Variants in DEPDC5 observed in about 807,000 individuals in gnomAD.
DEPDC5 encodes the protein DEP domain containing 5, GATOR1 subcomplex subunit, also known as GATOR1 complex protein DEPDC5.
A neutral mutation model predicts 217.3 loss-of-function variants in DEPDC5; 73 were observed. The observed-to-expected ratio is 0.34, with a 90% CI of 0.28 to 0.41. The LOEUF (loss-of-function observed/expected upper bound fraction) is 0.41, where lower values mean the gene tolerates loss of function less well. Among genes scored for constraint, DEPDC5 ranks in the 10% least tolerant of loss-of-function variants. The pLI, the probability that DEPDC5 is intolerant of heterozygous loss-of-function variation, is 1.00. For synonymous variants in DEPDC5, 733 were observed against 756.7 expected (o/e 0.97, Z 0.51); for missense variants, 1,675 against 2,070.1 (o/e 0.81, Z 3.70).
chr22:31,870,876 A>T, intron 34 of DEPDC5, 132 bp downstream of exon 34: 1 of 1,015,844 alleles, frequency 9.8e-7, no homozygotes, highest in Non-Finnish European at 1.3e-6. Context: ...GACCCTGGGC[A>T]AGTTAGTCCT....
intron 35 of DEPDC5, 70 bp downstream of exon 35, chr22:31,873,402 C>T (rs931188261): frequency 5.8e-6 from 9 of 1,546,462 alleles, no homozygotes; most frequent in East Asian, 2.3e-5. Context: ...GTTTAGGCAG[C>T]GTGGTTTGGT....
At chr22:31,857,607 T>A in intron 32 of DEPDC5, 54 bp downstream of exon 32, 1 of 1,470,938 alleles carries the variant, frequency 6.8e-7, no homozygotes, top group Non-Finnish European at 9.3e-7. Context: ...AGACTCAGTG[T>A]GGAGGGTAAA....
intron 23 of DEPDC5, among the ~76,000 whole-genome samples, chr22:31,821,888 T>G (rs367882644): frequency 6.6e-6 from 1 of 152,232 alleles, no homozygotes; most frequent in Non-Finnish European, 1.5e-5. Context: ...GAACACACTT[T>G]GTAAACCTCA....
At chr22:31,828,163 C>T (rs2090298328) in intron 24 of DEPDC5, among the ~76,000 whole-genome samples, 1 of 152,130 alleles carries the variant, frequency 6.6e-6, no homozygotes. Flanking sequence ...TAAAACAGTT[C>T]CTGGTGGCTG....
chr22:31,867,613 A>T (rs1050349154), intron 33 of DEPDC5, among the ~76,000 whole-genome samples: 2 of 152,224 alleles, frequency 1.3e-5, no homozygotes, highest in African/African-American at 4.8e-5. Flanking sequence ...ATTGTAATAG[A>T]GCCACACCCA....
In DEPDC5 at chr22:31,801,829, C is replaced by G. The variant is rs907908046; in HGVS notation, c.947-875C>G. On this transcript the variant is annotated intron_variant, in intron 14 of 42. Transcript: ENST00000651528. The stretch of plus-strand genomic sequence containing the variant: ...TCCCACATGTCTGTACCCAGGTGCT[C>G]AGGGAATTCTAGAGCATAATGTCTT... 5.9e-5 allele frequency among the ~76,000 whole-genome samples: 9 copies of G among 152,164 alleles called. 1 individual carries two copies. Among genetic ancestry groups the G allele is most frequent in the African/African-American group, 2.2e-4 (9 of 41,544 alleles).
Position 31,798,613 on chromosome 22 carries a change from A to G in DEPDC5, c.903A>G (p.Ser301=). ...EGFPQGDNST[S]AQGNYLEAIN... ...TTCCTCAAGGAGATAATTCTACCTC[A>G]GCACAAGGAAACTACCTGGAGGCCA... Residue 301 remains serine (S), a synonymous_variant, in exon 14 of 43, where the codon TCA becomes TCG. Transcript: ENST00000651528. The G allele has an allele frequency of 6.2e-7, 1 of 1,611,808 alleles. No homozygotes were observed. The highest frequency in any genetic ancestry group is 8.5e-7 in the Non-Finnish European group (1 of 1,178,526).
intron 12 of DEPDC5, among the ~76,000 whole-genome samples, chr22:31,796,728 G>T (rs1324445005): frequency 6.6e-6 from 1 of 151,002 alleles, no homozygotes; most frequent in Non-Finnish European, 1.5e-5. Context: ...ATGGAGTCTC[G>T]CTCTTTCTCC....
Position 31,797,691 on chromosome 22 carries a change from C to G in DEPDC5, c.859C>G (p.Leu287Val). ...CATCCAGTATCCAGTGTTGGTGCGA[C>G]TGGAACAGGCAGGTACTGCATTCAT... Reference protein sequence around the residue: ...LFIQYPVLVRLEQAEGFPQGD... With the variant: ...LFIQYPVLVRVEQAEGFPQGD... Residue 287 changes from leucine to valine, a missense_variant, in exon 13 of 43, where the codon CTG becomes GTG. Physicochemically the swap from Leu to Val is conservative, Grantham distance 32 (BLOSUM62 1). Around this residue, in one of 11 missense-constraint regions of DEPDC5, gnomAD observed 628 missense variants for 762.1 expected, o/e 0.82. Transcript: ENST00000651528. 6.2e-7 allele frequency: 1 copy of G among 1,613,718 alleles called. No individual in the cohort carries two copies. Among genetic ancestry groups the G allele is most frequent in the African/African-American group, 1.3e-5 (1 of 75,032 alleles).
chr22:31,790,973 C>G (rs1400849881), intron 10 of DEPDC5, among the ~76,000 whole-genome samples: 1 of 151,978 alleles, frequency 6.6e-6, no homozygotes, highest in Non-Finnish European at 1.5e-5. Context: ...TCTCGAACTC[C>G]TGACCTCAGG....
chr22:31,757,798 C>G (rs2082059460), intron 2 of DEPDC5, among the ~76,000 whole-genome samples: 1 of 152,092 alleles, frequency 6.6e-6, no homozygotes, highest in Non-Finnish European at 1.5e-5. Flanking sequence ...CAGTCTCTTT[C>G]TGTCACTCAG....
chr22:31,828,202 G>A (rs1332110243), intron 24 of DEPDC5, among the ~76,000 whole-genome samples: 1 of 152,196 alleles, frequency 6.6e-6, no homozygotes, highest in Non-Finnish European at 1.5e-5. Context: ...TGTAATCCCA[G>A]CACTTTGGGA....
chr22:31,837,299 G>T, intron 26 of DEPDC5, 144 bp downstream of exon 26: 3 of 743,350 alleles, frequency 4.0e-6, no homozygotes, highest in Non-Finnish European at 4.0e-6. Flanking sequence ...TAGCATGGCC[G>T]TTAAATAAAA....
intron 24 of DEPDC5, chr22:31,831,137 C>T (rs1169606997): frequency 1.3e-5 from 2 of 151,768 alleles, no homozygotes; most frequent in Admixed American, 6.6e-5. Context: ...AATTGGTGCC[C>T]CAGATGGATA....
chr22:31,755,794 C>T (rs2075276463), intron 2 of DEPDC5, among the ~76,000 whole-genome samples: 1 of 151,910 alleles, frequency 6.6e-6, no homozygotes, highest in Admixed American at 6.6e-5. Flanking sequence ...GAATAATTTT[C>T]CATTCTGTCT....
intron 20 of DEPDC5, 162 bp downstream of exon 20, chr22:31,810,803 T>G: frequency 8.8e-7 from 1 of 1,133,452 alleles, no homozygotes; most frequent in Non-Finnish European, 1.2e-6. Flanking sequence ...GAGATGGAGT[T>G]TCGCTCTTGT....
rs776010019 is a variant in DEPDC5 at position 31,804,134 on chromosome 22, C to T, written c.1082-28C>T. On this transcript the variant is annotated intron_variant, in intron 15 of 42. Coordinates refer to ENST00000651528, the MANE Select transcript of DEPDC5 (RefSeq NM_001242896.3). The stretch of plus-strand genomic sequence containing the variant: ...ACTTGTCTCTGCCATTCCCTCCCCA[C>T]AATTCTTTTTGTCTTTTCTTTTTTT... 22 of 1,612,214 alleles carry T rather than the reference C, an allele frequency of 1.4e-5. No individual in the cohort carries two copies. The South Asian group carries it at 2.1e-4, about 15-fold the overall frequency.
intron 12 of DEPDC5, among the ~76,000 whole-genome samples, chr22:31,793,598 A>G (rs1192429899): frequency 1.3e-5 from 2 of 151,934 alleles, no homozygotes; most frequent in East Asian, 1.9e-4. Flanking sequence ...TTGAGACACA[A>G]TTTCACTCTC....
intron 25 of DEPDC5, among the ~76,000 whole-genome samples, chr22:31,836,612 G>A (rs528941631): frequency 9.8e-4 from 149 of 152,188 alleles, no homozygotes; most frequent in Middle Eastern, 3.4e-3. Context: ...GGAGAGGCTC[G>A]TGCTTGGGCC....
Sources: allele counts gnomAD v4.1 joint callset (sites outside exome capture counted in the v4.1 genomes callset), GRCh38; gene constraint gnomAD v4.1.1; regional missense constraint gnomAD v4.1.1; transcripts MANE v1.5; gene names NCBI Gene and HGNC (gene_info 2026-07-23, HGNC 2026-07-21).